The following CATSPERE variants were observed in gnomAD, a reference collection of about 807,000 sequenced individuals.
The protein encoded by CATSPERE is cation channel sperm-associated auxiliary subunit epsilon.
Under a neutral mutation model 114.1 loss-of-function variants are expected in CATSPERE, and 93 were observed. The ratio of observed to expected loss-of-function variants is 0.81; its 90% CI spans 0.69 to 0.97. The LOEUF is 0.97. Ranked by LOEUF, CATSPERE falls within the 50% of genes least tolerant of loss-of-function variation. CATSPERE has a pLI of 0.00. For synonymous variants in CATSPERE, 341 were observed against 384.1 expected (o/e 0.89, Z 1.31); for missense variants, 1,058 against 1,131.6 (o/e 0.93, Z 0.93).
upstream of CATSPERE, chr1:244,451,692 G>C: frequency 6.2e-7 from 1 of 1,612,592 alleles, no homozygotes; most frequent in Non-Finnish European, 8.5e-7. The surrounding 1 kb of genome is among the most constrained non-coding windows in gnomAD (Gnocchi z 6.6). Context: ...CCTTCCCTTT[G>C]CCTTCGTCGC....
At chr1:244,466,866 A>G (rs1667678031) in intron 2 of CATSPERE, among the ~76,000 whole-genome samples, 1 of 152,172 alleles carries the variant, frequency 6.6e-6, no homozygotes, top group African/African-American at 2.4e-5. Flanking sequence ...GCCTTCCCCA[A>G]AACCACCTAT....
chr1:244,541,266 G>A (rs986927219), intron 8 of CATSPERE, among the ~76,000 whole-genome samples: 1 of 150,376 alleles, frequency 6.6e-6, no homozygotes, highest in Admixed American at 6.6e-5. Flanking sequence ...ATCTGACAAA[G>A]GGCTAATATC....
chr1:244,592,231 A>G (rs951935068), intron 15 of CATSPERE, among the ~76,000 whole-genome samples: 1 of 152,162 alleles, frequency 6.6e-6, no homozygotes, highest in Admixed American at 6.5e-5. Context: ...AAATTCTACA[A>G]GACTGTAGTT....
At chr1:244,630,750 T>C (rs1673831876) in intron 20 of CATSPERE, among the ~76,000 whole-genome samples, 1 of 152,144 alleles carries the variant, frequency 6.6e-6, no homozygotes, top group African/African-American at 2.4e-5. Context: ...GAAAGGAGTA[T>C]CTTATGGGTC....
At chr1:244,471,048 G>GT (rs1668399382) in intron 2 of CATSPERE, among the ~76,000 whole-genome samples, 1 of 152,150 alleles carries the variant, frequency 6.6e-6, no homozygotes, top group African/African-American at 2.4e-5. Context: ...GAGTGTGGCA[G>GT]TTTTTTTGTG....
intron 8 of CATSPERE, among the ~76,000 whole-genome samples, chr1:244,531,830 A>G (rs3005946): frequency 1.3e-5 from 2 of 152,234 alleles, no homozygotes; most frequent in South Asian, 4.1e-4. Context: ...GTATCAAGGT[A>G]ATACTGGCCT....
intron 15 of CATSPERE, among the ~76,000 whole-genome samples, 153 bp downstream of exon 15, chr1:244,591,884 G>A (rs1414995380): frequency 1.3e-5 from 2 of 151,914 alleles, no homozygotes; most frequent in African/African-American, 4.8e-5. Flanking sequence ...TGTGTAGATG[G>A]TATAATTAAC....
intron 15 of CATSPERE, among the ~76,000 whole-genome samples, chr1:244,592,022 A>C (rs1304354136): frequency 1.2e-5 from 1 of 86,138 alleles, no homozygotes; most frequent in Non-Finnish European, 3.4e-5. Context: ...GACATACAAG[A>C]ATTTTTTTTC....
intron 17 of CATSPERE, among the ~76,000 whole-genome samples, chr1:244,595,825 G>A (rs572068377): frequency 6.6e-6 from 1 of 152,220 alleles, no homozygotes; most frequent in East Asian, 1.9e-4. Flanking sequence ...CCCAGCTACT[G>A]GGGAGGCTGA....
At chr1:244,627,572 T>C (rs1673370981) in intron 20 of CATSPERE, among the ~76,000 whole-genome samples, 1 of 144,786 alleles carries the variant, frequency 6.9e-6, no homozygotes, top group African/African-American at 2.5e-5. Context: ...AAGACCCTGT[T>C]AAAAAAAAAA....
chr1:244,520,064 A>AT (rs905417839), intron 8 of CATSPERE, among the ~76,000 whole-genome samples: 2 of 152,044 alleles, frequency 1.3e-5, no homozygotes, highest in African/African-American at 4.8e-5. Context: ...ATTTACAAGG[A>AT]TTTTCTCCCA....
chr1:244,536,160 C>T (rs1680357011), intron 8 of CATSPERE, among the ~76,000 whole-genome samples: 1 of 151,584 alleles, frequency 6.6e-6, no homozygotes, highest in Admixed American at 6.6e-5. Flanking sequence ...GTATGCTTCC[C>T]TCTCCTCTCC....
chr1:244,453,575 T>C (rs1665834253), upstream of CATSPERE, among the ~76,000 whole-genome samples: 1 of 152,186 alleles, frequency 6.6e-6, no homozygotes, highest in African/African-American at 2.4e-5. Flanking sequence ...CAGCAATGGA[T>C]CCAGAAGCCT....
Position 244,479,902 on chromosome 1 carries a change from A to G in CATSPERE, c.326+118A>G, listed in dbSNP as rs191471249. 6.2e-4 allele frequency: 290 copies of G among 465,840 alleles called. 2 individuals carry two copies. Among genetic ancestry groups the G allele is most frequent in the African/African-American group, 5.0e-3 (250 of 49,828 alleles). The allele number at this position is 465,840 out of a possible 1,614,324, so 28.9% of individuals were successfully genotyped here. The stretch of plus-strand genomic sequence containing the variant: ...GTTTCCATACAACTTTCATTCACCA[A>G]CCAAGCTATTCTCAAATATACTGCC... On this transcript the variant is annotated intron_variant, in intron 5 of 21. Transcript: ENST00000366534.
intron 20 of CATSPERE, among the ~76,000 whole-genome samples, chr1:244,625,283 C>T (rs1005481520): frequency 6.7e-6 from 1 of 150,260 alleles, no homozygotes; most frequent in Non-Finnish European, 1.5e-5. Flanking sequence ...CAACATTGAT[C>T]TTGAACACCT....
At position 244,568,517 on chromosome 1, in the gene CATSPERE, C is replaced by G. The variant is rs1041254178; in HGVS notation, c.1508-3813C>G. On this transcript the variant is annotated intron_variant, in intron 10 of 21. Coordinates refer to ENST00000366534, the MANE Select transcript of CATSPERE (RefSeq NM_001130957.2). The surrounding 1 kb of genome is among the most constrained non-coding windows in gnomAD (Gnocchi z 4.4). The stretch of plus-strand genomic sequence containing the variant: ...TATAAGCCCCTGAGTGGGGCTGCTG[C>G]CTTTCTTTCAGAGATGCGCTGCCCA... 6.6e-6 allele frequency among the ~76,000 whole-genome samples: 1 copy of G among 152,222 alleles called. No individual in the cohort carries two copies. Among genetic ancestry groups the G allele is most frequent in the African/African-American group, 2.4e-5 (1 of 41,464 alleles).
In CATSPERE at chr1:244,560,384, G is replaced by A. The variant is rs560980504; in HGVS notation, c.1030-284G>A. ...CACAAAGGCGTAAGAATGATACAAT[G>A]GACTTTGGAGACTTGGGCGGGGGTG... On this transcript the variant is annotated intron_variant, in intron 9 of 21. Transcript: ENST00000366534. Among the ~76,000 whole-genome samples the A allele has an allele frequency of 2.1e-3, 319 of 149,570 alleles. 2 individuals are homozygous for A. The highest frequency in any genetic ancestry group is 7.5e-3 in the African/African-American group (304 of 40,436).
chr1:244,629,257 C>T (rs1483371629), intron 20 of CATSPERE, among the ~76,000 whole-genome samples: 2 of 152,166 alleles, frequency 1.3e-5, no homozygotes, highest in Non-Finnish European at 2.9e-5. Context: ...GCCCCGTTTG[C>T]ATCACCTGGA....
chr1:244,560,979 G>T lies in CATSPERE; in HGVS notation c.1341G>T (p.Met447Ile), dbSNP rs781526947. Residue 447 changes from methionine to isoleucine, a missense_variant, in exon 10 of 22, where the codon ATG becomes ATT. Met to Ile is a conservative substitution (Grantham distance 10). Around this residue, in one of 2 missense-constraint regions of CATSPERE, gnomAD observed 787 missense variants for 905.6 expected, o/e 0.87. Transcript: ENST00000366534. ...TLDAPIDSVT[M>I]PHFTFSALPG... Reference sequence around the variant, plus strand: ...ATGCCCCTATTGACAGTGTTACCATGCCACATTTTACATTTTCAGCACTGC... The same window carrying T: ...ATGCCCCTATTGACAGTGTTACCATTCCACATTTTACATTTTCAGCACTGC... 32 of 1,613,968 alleles carry T rather than the reference G, an allele frequency of 2.0e-5. No homozygotes were observed. Among genetic ancestry groups the T allele is most frequent in the Non-Finnish European group, 2.5e-5 (30 of 1,180,000 alleles).
Sources: allele counts gnomAD v4.1 joint callset (sites outside exome capture counted in the v4.1 genomes callset), GRCh38; gene constraint gnomAD v4.1.1; regional missense constraint gnomAD v4.1.1; non-coding constraint Gnocchi (gnomAD v3.1); transcripts MANE v1.5; gene names NCBI Gene and HGNC (gene_info 2026-07-23, HGNC 2026-07-21).